COL23A1: variants seen among roughly 807,000 people sequenced by gnomAD.
COL23A1 encodes collagen alpha-1(XXIII) chain.
In COL23A1, 97 loss-of-function variants were observed where a neutral mutation model predicts 99.3. The observed-to-expected ratio is 0.98, with a 90% confidence interval of 0.83 to 1.16. COL23A1 has a LOEUF of 1.16. Ranked by LOEUF, COL23A1 falls within the 50% of genes most tolerant of loss-of-function variation. The pLI, the probability that COL23A1 is intolerant of heterozygous loss-of-function variation, is 0.00. For missense variants in COL23A1, 762 were observed against 757.4 expected, an observed-to-expected ratio of 1.01 and a Z score of -0.07; for synonymous variants, 320 against 308.2, an observed-to-expected ratio of 1.04 and a Z score of -0.40.
rs1313357674 is a variant in COL23A1 at position 178,340,681 on chromosome 5, A to C, written c.362-33762T>G. Among the ~76,000 whole-genome samples the C allele has an allele frequency of 6.6e-6, 1 of 152,196 alleles. No homozygotes were observed. Among genetic ancestry groups the C allele is most frequent in the East Asian group, 1.9e-4 (1 of 5,188 alleles). On this transcript the variant is annotated intron_variant, in intron 2 of 28. Coordinates refer to ENST00000390654, the MANE Select transcript of COL23A1 (RefSeq NM_173465.4). The surrounding 1 kb of genome is among the most constrained non-coding windows in gnomAD (Gnocchi z 4.7). Reference sequence around the variant, plus strand: ...CTCTGCATGTGTTTGGCTGATGGCAAACTGGACACCGGGGATTCTAGTCCT... The same window carrying C: ...CTCTGCATGTGTTTGGCTGATGGCACACTGGACACCGGGGATTCTAGTCCT...
In COL23A1 at chr5:178,309,639, G is replaced by A. The variant is rs2913767; in HGVS notation, c.362-2720C>T. Among the ~76,000 whole-genome samples the A allele has an allele frequency of 0.66, 99,088 of 150,444 alleles. 33,546 individuals carry two copies. Among genetic ancestry groups the A allele is most frequent in the Non-Finnish European group, 0.74 (50,219 of 67,754 alleles). ...AAGCTCACCTCCCGACTTCCCACGC[G>A]CCCCCTGCCTCCCTTGTTACTTACC... On this transcript the variant is annotated intron_variant, in intron 2 of 28. Transcript: ENST00000390654. The surrounding 1 kb of genome is among the most constrained non-coding windows in gnomAD (Gnocchi z 4.7).
At chr5:178,572,072 C>CAAAAAAAACAAA (rs1554199042) in intron 1 of COL23A1, among the ~76,000 whole-genome samples, 10 of 109,496 alleles carry the variant, frequency 9.1e-5, no homozygotes, top group Admixed American at 8.6e-4. Context: ...TTTCTCAAAA[C>CAAAAAAAACAAA]AAAAAAAAAA....
chr5:178,481,131 CAAAAAAAAAA>C (rs10625763), intron 2 of COL23A1, among the ~76,000 whole-genome samples: 1 of 102,320 alleles, frequency 9.8e-6, no homozygotes, highest in African/African-American at 3.7e-5. Flanking sequence ...GACTGTCTCT[CAAAAAAAAAA>C]AAAAAAAAAG....
intron 2 of COL23A1, among the ~76,000 whole-genome samples, chr5:178,479,591 G>A (rs1206914666): frequency 6.6e-6 from 1 of 152,198 alleles, no homozygotes; most frequent in Non-Finnish European, 1.5e-5. Context: ...TCTGGGAAAT[G>A]CCAGGATGAG....
intron 2 of COL23A1, among the ~76,000 whole-genome samples, chr5:178,477,343 A>G (rs1229441922): frequency 6.6e-6 from 1 of 152,158 alleles, no homozygotes; most frequent in Admixed American, 6.5e-5. Flanking sequence ...AGAGGCAGAG[A>G]GGCTTGTCAG....
intron 3 of COL23A1, among the ~76,000 whole-genome samples, chr5:178,297,358 TA>T (rs1486680681): frequency 1.3e-5 from 2 of 152,232 alleles, no homozygotes; most frequent in African/African-American, 4.8e-5. Flanking sequence ...CCATCTATAC[TA>T]AAACAATTAT....
intron 2 of COL23A1, among the ~76,000 whole-genome samples, chr5:178,322,779 C>A (rs1759399831): frequency 1.3e-5 from 2 of 152,356 alleles, no homozygotes; most frequent in African/African-American, 4.8e-5. Flanking sequence ...GCACTAGGGA[C>A]CGGGAGTTGG....
At chr5:178,470,712 C>T (rs1756696914) in intron 2 of COL23A1, among the ~76,000 whole-genome samples, 1 of 152,202 alleles carries the variant, frequency 6.6e-6, no homozygotes, top group Non-Finnish European at 1.5e-5. Context: ...GAAATTTCCC[C>T]AGTATTCCTG....
At chr5:178,246,082 C>G (rs1308542277) in intron 24 of COL23A1, 114 bp from the exon 25 acceptor site, 1 of 1,361,076 alleles carries the variant, frequency 7.3e-7, no homozygotes, top group African/African-American at 1.4e-5. Flanking sequence ...GGAGACCCAC[C>G]AACCACGCAG....
intron 2 of COL23A1, among the ~76,000 whole-genome samples, chr5:178,523,158 A>ATATATATATT (rs1760055860): frequency 1.2e-5 from 1 of 81,414 alleles, no homozygotes; most frequent in African/African-American, 3.7e-5. Context: ...ATATATATAT[A>ATATATATATT]TATACATATA....
intron 2 of COL23A1, among the ~76,000 whole-genome samples, chr5:178,413,974 C>A (rs1050113076): frequency 6.6e-6 from 1 of 152,152 alleles, no homozygotes; most frequent in Non-Finnish European, 1.5e-5. Flanking sequence ...TTTTTGACAG[C>A]TTCTCTGTGC....
intron 25 of COL23A1, among the ~76,000 whole-genome samples, chr5:178,242,644 G>A (rs747098348): frequency 2.6e-5 from 4 of 152,236 alleles, no homozygotes; most frequent in African/African-American, 9.6e-5. Flanking sequence ...CTCAGGCAGA[G>A]CTGCTGGCAA....
intron 3 of COL23A1, among the ~76,000 whole-genome samples, chr5:178,300,721 G>GTATTTATT (rs55980122): frequency 0.47 from 67,999 of 145,672 alleles, 17,908 homozygotes; most frequent in Non-Finnish European, 0.62. Flanking sequence ...GCTAGCTTTT[G>GTATTTATT]TATTTATTTA....
chr5:178,289,906 T>A lies in COL23A1; in HGVS notation c.414+456A>T, dbSNP rs566187378. Among the ~76,000 whole-genome samples the A allele has an allele frequency of 2.6e-5, 4 of 152,264 alleles. No homozygotes were observed. The East Asian group carries it at 5.8e-4, about 22-fold the overall frequency. On this transcript the variant is annotated intron_variant, in intron 4 of 28. Transcript: ENST00000390654. ...ATAACATGACTCCTGTATGACTGAT[T>A]TTTTCCCCCCAAACACATGAGTTTT...
In COL23A1 at chr5:178,523,197, TATATAGAGAG is replaced by T. The variant is rs1209116802; in HGVS notation, c.361+37475_361+37484del. On this transcript the variant is annotated intron_variant, in intron 2 of 28. Coordinates refer to ENST00000390654, the MANE Select transcript of COL23A1 (RefSeq NM_173465.4). ...ATATATACACATATATATATATATA[TATATAGAGAG>T]AGAGAGAGAGAGAGAGAGACAGAGG... Among the ~76,000 whole-genome samples the T allele has an allele frequency of 1.8e-3, 131 of 73,752 alleles. 1 individual carries two copies. The highest frequency in any genetic ancestry group is 0.013 in the East Asian group (37 of 2,854). The allele number at this position is 73,752 out of a possible 152,430, so 48.4% of individuals were successfully genotyped here. A position where few individuals can be genotyped will look rare whatever the true frequency, so the allele number is the denominator to read the frequency against.
intron 2 of COL23A1, among the ~76,000 whole-genome samples, chr5:178,481,908 A>G (rs963485350): frequency 6.6e-6 from 1 of 150,522 alleles, no homozygotes; most frequent in African/African-American, 2.4e-5. Context: ...GCATTAGAAG[A>G]TATACCTAAT....
chr5:178,476,191 A>G (rs1371119607), intron 2 of COL23A1, among the ~76,000 whole-genome samples: 2 of 152,122 alleles, frequency 1.3e-5, no homozygotes, highest in Non-Finnish European at 2.9e-5. Flanking sequence ...TCCACAAATA[A>G]TAGGCGTCAT....
intron 2 of COL23A1, among the ~76,000 whole-genome samples, chr5:178,545,640 G>A (rs1761539604): frequency 6.6e-6 from 1 of 152,190 alleles, no homozygotes; most frequent in Admixed American, 6.5e-5. Flanking sequence ...CTCCATGATT[G>A]AGCAGAAGGT....
At chr5:178,486,858 A>G (rs1757659413) in intron 2 of COL23A1, among the ~76,000 whole-genome samples, 1 of 152,190 alleles carries the variant, frequency 6.6e-6, no homozygotes, top group African/African-American at 2.4e-5. Context: ...TGATGCTAAG[A>G]TGGCGTTTCA....
Sources: gnomAD v4.1 joint callset for allele counts (sites outside exome capture counted in the v4.1 genomes callset) on GRCh38, gnomAD v4.1.1 for gene constraint, Gnocchi (gnomAD v3.1) non-coding constraint, MANE v1.5 for transcripts, NCBI Gene and HGNC (gene_info 2026-07-23, HGNC 2026-07-21) for gene names.